SPRED2: variants seen among roughly 807,000 people sequenced by gnomAD.
SPRED2 encodes the protein sprouty related EVH1 domain containing 2.
In SPRED2, 47 loss-of-function variants were observed where a neutral mutation model predicts 43.0. That is an observed-to-expected ratio of 1.09 (90% CI 0.87 to 1.40). The LOEUF is 1.40. Among genes scored for constraint, SPRED2 ranks in the 40% most tolerant of loss-of-function variants. The pLI, the probability that SPRED2 is intolerant of heterozygous loss-of-function variation, is 0.00. For synonymous variants in SPRED2, 225 were observed against 225.7 expected (o/e 1.00, Z 0.03); for missense variants, 561 against 586.4 (o/e 0.96, Z 0.45).
At chr2:65,323,967 T>TG (rs1023384878) in intron 4 of SPRED2, among the ~76,000 whole-genome samples, 1 of 150,404 alleles carries the variant, frequency 6.6e-6, no homozygotes, top group Non-Finnish European at 1.5e-5. Context: ...ACCATGTTGT[T>TG]GGGGGAGATG....
chr2:65,316,626 A>C (rs1240322510), intron 5 of SPRED2, 108 bp downstream of exon 5: 1 of 1,321,916 alleles, frequency 7.6e-7, no homozygotes, highest in Admixed American at 2.2e-5. Context: ...AGGCAGGAGC[A>C]GGAGAGGCCT....
intron 1 of SPRED2, among the ~76,000 whole-genome samples, chr2:65,429,764 A>G (rs1676634078): frequency 6.6e-6 from 1 of 152,044 alleles, no homozygotes; most frequent in Non-Finnish European, 1.5e-5. Context: ...TTCAGTGGCT[A>G]AGGTGCCAAG....
chr2:65,426,824 T>C (rs887608487), intron 1 of SPRED2, among the ~76,000 whole-genome samples: 1 of 152,198 alleles, frequency 6.6e-6, no homozygotes, highest in African/African-American at 2.4e-5. Flanking sequence ...ACTTTGTATA[T>C]ATTGTACTGG....
In SPRED2 at chr2:65,313,845, C is replaced by T; in HGVS notation, c.913G>A (p.Glu305Lys). 6.2e-7 allele frequency: 1 copy of T among 1,611,894 alleles called. No individual in the cohort carries two copies. The highest frequency in any genetic ancestry group is 8.5e-7 in the Non-Finnish European group (1 of 1,179,924). ...GKSRRRKEDG[E>K]RSRCVYCRDM... ...CTGCAGTACACGCACCGCGAGCGCT[C>T]TCCGTCCTCCTTCCGCCGCCGCGAC... is the stretch of plus-strand genomic sequence containing the variant. The change falls in exon 6 of 6, where the codon GAG becomes AAG. Residue 305 changes from glutamate (E) to lysine (K), a missense_variant. By Grantham distance (56) the Glu-to-Lys change is moderately conservative (BLOSUM62 1). Transcript: ENST00000356388.
At chr2:65,370,115 T>C (rs535897568) in intron 1 of SPRED2, among the ~76,000 whole-genome samples, 2 of 152,318 alleles carry the variant, frequency 1.3e-5, no homozygotes, top group East Asian at 3.9e-4. Context: ...AAGCATGAGT[T>C]TGGAGTGAAA....
rs146478588 is a variant in SPRED2 at position 65,405,605 on chromosome 2, C to T, written c.26+26357G>A. On this transcript the variant is annotated intron_variant, in intron 1 of 5. Coordinates refer to ENST00000356388, the MANE Select transcript of SPRED2 (RefSeq NM_181784.3). ...ACACCTGAACTTACTGGGGCTTCAA[C>T]GCCCCCAGAAGATTAATCAGCACCA... Among the ~76,000 whole-genome samples, 975 of 152,296 alleles carry T rather than the reference C, an allele frequency of 6.4e-3. 22 individuals carry two copies. Among genetic ancestry groups the T allele is most frequent in the Admixed American group, 0.052 (794 of 15,302 alleles).
intron 1 of SPRED2, among the ~76,000 whole-genome samples, chr2:65,355,523 C>A (rs1050301239): frequency 5.9e-5 from 9 of 152,044 alleles, no homozygotes; most frequent in Non-Finnish European, 5.9e-5. Context: ...TTGAGACTAG[C>A]CTGGCTAACA....
chr2:65,359,312 A>G (rs959225645), intron 1 of SPRED2, among the ~76,000 whole-genome samples: 4 of 152,228 alleles, frequency 2.6e-5, no homozygotes, highest in Admixed American at 1.3e-4. Flanking sequence ...GGCAGCAAGG[A>G]TAATGTAAAG....
At chr2:65,415,674 A>G (rs1463556393) in intron 1 of SPRED2, among the ~76,000 whole-genome samples, 2 of 152,206 alleles carry the variant, frequency 1.3e-5, no homozygotes, top group Non-Finnish European at 2.9e-5. Flanking sequence ...AACCTTTTAA[A>G]ATAAAAATAA....
At chr2:65,391,642 C>G (rs1052375408) in intron 1 of SPRED2, among the ~76,000 whole-genome samples, 1 of 152,164 alleles carries the variant, frequency 6.6e-6, no homozygotes, top group Non-Finnish European at 1.5e-5. Flanking sequence ...TTAAACACTG[C>G]CCATAAATGT....
chr2:65,309,823 G>A (rs1297880347), downstream of SPRED2, among the ~76,000 whole-genome samples: 2 of 152,242 alleles, frequency 1.3e-5, no homozygotes, highest in Non-Finnish European at 2.9e-5. Flanking sequence ...AGAACCAGAC[G>A]GACAGGATAA....
In SPRED2 at chr2:65,334,620, C is replaced by T. The variant is rs200775419; in HGVS notation, c.358G>A (p.Glu120Lys). ...AGTTCAATACCTTCTATAAGGTCTT[C>T]GATTGCTTTCCTTACTCCCCTGTCA... ...AFDRGVRKAI[E>K]DLIEGSTTSS... Residue 120 changes from glutamate (E) to lysine (K), a missense_variant, in exon 3 of 6, where the codon GAA becomes AAA. Coordinates refer to ENST00000356388, the MANE Select transcript of SPRED2 (RefSeq NM_181784.3). 6.8e-6 allele frequency: 11 copies of T among 1,614,192 alleles called. No homozygotes were observed. Among genetic ancestry groups the T allele is most frequent in the Non-Finnish European group, 9.3e-6 (11 of 1,180,028 alleles).
intron 1 of SPRED2, among the ~76,000 whole-genome samples, chr2:65,422,098 ACACACACT>A (rs1338919375): frequency 2.4e-4 from 27 of 113,220 alleles, no homozygotes; most frequent in African/African-American, 7.3e-4. Context: ...ACACACACAC[ACACACACT>A]CTCTCTCTCT....
intron 1 of SPRED2, among the ~76,000 whole-genome samples, chr2:65,361,019 A>G (rs1230143420): frequency 6.6e-6 from 1 of 152,248 alleles, no homozygotes; most frequent in Non-Finnish European, 1.5e-5. Context: ...AGCCTGTGCA[A>G]CAATGTGGGA....
intron 1 of SPRED2, among the ~76,000 whole-genome samples, chr2:65,370,734 G>C (rs1171088256): frequency 6.6e-6 from 1 of 152,128 alleles, no homozygotes; most frequent in Admixed American, 6.5e-5. Flanking sequence ...TCTTGCGGTA[G>C]GAGGGGAAAT....
In SPRED2 at chr2:65,312,520, G is replaced by T. The variant is rs533513741; in HGVS notation, c.*981C>A. 2.5e-5 allele frequency: 25 copies of T among 985,364 alleles called. No homozygotes were observed. The highest frequency in any genetic ancestry group is 3.0e-5 in the Non-Finnish European group (25 of 829,888). The allele number at this position is 985,364 out of a possible 1,614,324, so 61.0% of individuals were successfully genotyped here. A position where few individuals can be genotyped will look rare whatever the true frequency, so the allele number is the denominator to read the frequency against. On this transcript the variant is annotated 3_prime_UTR_variant, in exon 6 of 6. Transcript: ENST00000356388. ...AGTGTTTCTCAACTGGAACTTGTTC[G>T]TGGGAACACTGATTTGTGTTTGAGG...
chr2:65,405,891 C>T (rs1169298478), intron 1 of SPRED2, among the ~76,000 whole-genome samples: 1 of 152,032 alleles, frequency 6.6e-6, no homozygotes, highest in Non-Finnish European at 1.5e-5. Context: ...GTGACTGTTC[C>T]CACTTTCTGT....
chr2:65,366,542 T>G (rs1471218392), intron 1 of SPRED2: 1 of 1,535,636 alleles, frequency 6.5e-7, no homozygotes, highest in Admixed American at 2.0e-5. Context: ...AGGTTAAGAA[T>G]AAGAGAACAA....
At chr2:65,412,302 T>C (rs1400313255) in intron 1 of SPRED2, among the ~76,000 whole-genome samples, 2 of 152,058 alleles carry the variant, frequency 1.3e-5, no homozygotes, top group Non-Finnish European at 2.9e-5. Context: ...TCAGGAGGCC[T>C]GGGTGGGCAG....
Sources: gnomAD v4.1 joint callset for allele counts (sites outside exome capture counted in the v4.1 genomes callset) on GRCh38, gnomAD v4.1.1 for gene constraint, MANE v1.5 for transcripts, NCBI Gene and HGNC (gene_info 2026-07-23, HGNC 2026-07-21) for gene names.